FHIT: variants seen among roughly 807,000 people sequenced by gnomAD.
FHIT encodes the protein bis(5'-adenosyl)-triphosphatase.
A neutral mutation model predicts 17.9 loss-of-function variants in FHIT; 19 were observed. The observed-to-expected ratio is 1.06, with a 90% confidence interval of 0.74 to 1.56. The LOEUF is 1.56. Ranked by LOEUF, FHIT falls within the 40% of genes most tolerant of loss-of-function variation. FHIT has a pLI of 0.00. For missense variants in FHIT, 248 were observed against 189.2 expected (o/e 1.31, Z -1.82); for synonymous variants, 81 against 69.7 (o/e 1.16, Z -0.81).
At chr3:60,538,679 A>C (rs1326859539) in intron 4 of FHIT, among the ~76,000 whole-genome samples, 2 of 152,246 alleles carry the variant, frequency 1.3e-5, no homozygotes, top group Non-Finnish European at 2.9e-5. Context: ...TGACAAAAAC[A>C]AGAAATGGGG....
At chr3:60,741,878 T>C (rs2108010749) in intron 4 of FHIT, among the ~76,000 whole-genome samples, 1 of 152,358 alleles carries the variant, frequency 6.6e-6, no homozygotes, top group Admixed American at 6.5e-5. Flanking sequence ...GGCAATGTTT[T>C]CCAAGTCTGA....
intron 5 of FHIT, among the ~76,000 whole-genome samples, chr3:60,533,284 C>T (rs776225045): frequency 9.2e-5 from 14 of 152,150 alleles, no homozygotes; most frequent in Non-Finnish European, 1.8e-4. Context: ...GGTGGGATTT[C>T]GGCACATCCT....
intron 4 of FHIT, among the ~76,000 whole-genome samples, chr3:60,772,479 G>A (rs1240750009): frequency 1.3e-5 from 2 of 152,082 alleles, no homozygotes; most frequent in Admixed American, 6.6e-5. Flanking sequence ...CTTTATAAAT[G>A]TTGTATCAAT....
chr3:60,607,049 T>G (rs2107724149), intron 4 of FHIT, among the ~76,000 whole-genome samples: 1 of 152,276 alleles, frequency 6.6e-6, no homozygotes, highest in South Asian at 2.1e-4. Context: ...CAAAAGTTGT[T>G]AATTCAAGCT....
At chr3:60,245,516 G>C (rs889982669) in intron 5 of FHIT, among the ~76,000 whole-genome samples, 2 of 151,900 alleles carry the variant, frequency 1.3e-5, no homozygotes, top group Non-Finnish European at 2.9e-5. Flanking sequence ...TTACCAACAA[G>C]TGACTAACTG....
At chr3:60,332,870 C>T (rs1435770647) in intron 5 of FHIT, among the ~76,000 whole-genome samples, 2 of 152,148 alleles carry the variant, frequency 1.3e-5, no homozygotes, top group African/African-American at 4.8e-5. Context: ...AAGATTTTTG[C>T]CCTCCCTTAT....
chr3:61,045,033 A>T (rs2033715397), intron 2 of FHIT, among the ~76,000 whole-genome samples: 1 of 152,270 alleles, frequency 6.6e-6, no homozygotes, highest in Non-Finnish European at 1.5e-5. Flanking sequence ...AAAACATGCC[A>T]CACTATAAAG....
At chr3:60,176,539 T>A (rs1464302539) in intron 5 of FHIT, among the ~76,000 whole-genome samples, 3 of 152,144 alleles carry the variant, frequency 2.0e-5, no homozygotes, top group Non-Finnish European at 4.4e-5. Context: ...TAAGGCTGTG[T>A]GATATATAAA....
intron 4 of FHIT, among the ~76,000 whole-genome samples, chr3:60,644,699 A>C (rs1341325147): frequency 3.9e-5 from 6 of 152,200 alleles, no homozygotes; most frequent in South Asian, 2.1e-4. Context: ...GGTAATGGGC[A>C]GTTCTAAAAC....
chr3:61,109,547 C>T (rs1286891720), intron 2 of FHIT, among the ~76,000 whole-genome samples: 4 of 152,096 alleles, frequency 2.6e-5, no homozygotes, highest in African/African-American at 4.8e-5. Context: ...TGGACTCTCT[C>T]CCCTGTATGT....
chr3:59,887,926 A>C (rs1703694852), intron 8 of FHIT, among the ~76,000 whole-genome samples: 1 of 152,186 alleles, frequency 6.6e-6, no homozygotes, highest in African/African-American at 2.4e-5. Flanking sequence ...CTGAGAAATG[A>C]GAGGGTTTTA....
intron 4 of FHIT, among the ~76,000 whole-genome samples, chr3:60,758,648 C>T (rs1003390278): frequency 6.6e-6 from 1 of 152,132 alleles, no homozygotes; most frequent in Non-Finnish European, 1.5e-5. Flanking sequence ...TTAGAGCTGT[C>T]GCTTAAAAAT....
At chr3:61,179,986 A>G (rs2038288892) in intron 2 of FHIT, among the ~76,000 whole-genome samples, 1 of 152,192 alleles carries the variant, frequency 6.6e-6, no homozygotes, top group Admixed American at 6.5e-5. Flanking sequence ...AATTGACATA[A>G]AACAACCATT....
intron 8 of FHIT, among the ~76,000 whole-genome samples, chr3:59,767,226 C>T (rs1367896969): frequency 2.0e-5 from 3 of 152,226 alleles, no homozygotes; most frequent in South Asian, 2.1e-4. Context: ...GGGCCGGGCG[C>T]GGTGGCTCAC....
At chr3:61,141,590 A>G (rs1267060659) in intron 2 of FHIT, among the ~76,000 whole-genome samples, 2 of 144,732 alleles carry the variant, frequency 1.4e-5, no homozygotes, top group East Asian at 1.9e-4. Context: ...GAAACAGGAC[A>G]CAGAAACTAT....
chr3:60,758,162 G>A (rs1553718792), intron 4 of FHIT, among the ~76,000 whole-genome samples: 1 of 152,144 alleles, frequency 6.6e-6, no homozygotes, highest in African/African-American at 2.4e-5. Context: ...GGTCCTTCAG[G>A]TGGCCTCTGC....
intron 5 of FHIT, among the ~76,000 whole-genome samples, chr3:60,203,052 G>A (rs1436042782): frequency 6.6e-6 from 1 of 151,924 alleles, no homozygotes; most frequent in African/African-American, 2.4e-5. Flanking sequence ...ACACGTGTCT[G>A]TAAAATTGGT....
chr3:61,162,202 G>A (rs2037717626), intron 2 of FHIT, among the ~76,000 whole-genome samples: 1 of 152,084 alleles, frequency 6.6e-6, no homozygotes, highest in African/African-American at 2.4e-5. Context: ...TAAACCCTCT[G>A]GAGTCTGTGG....
chr3:60,410,817 C>T (rs913460829), intron 5 of FHIT, among the ~76,000 whole-genome samples: 4 of 152,106 alleles, frequency 2.6e-5, no homozygotes, highest in African/African-American at 4.8e-5. Context: ...AGCTCACTTC[C>T]ATTCTCATAT....
Sources: allele counts gnomAD v4.1 joint callset (sites outside exome capture counted in the v4.1 genomes callset), GRCh38; gene constraint gnomAD v4.1.1; transcripts MANE v1.5; gene names NCBI Gene and HGNC (gene_info 2026-07-23, HGNC 2026-07-21).